FHIT: variants seen among roughly 807,000 people sequenced by gnomAD.
FHIT encodes fragile histidine triad diadenosine triphosphatase.
A neutral mutation model predicts 17.9 loss-of-function variants in FHIT; 19 were observed. That is an observed-to-expected ratio of 1.06 (90% confidence interval 0.74 to 1.56). The LOEUF (loss-of-function observed/expected upper bound fraction) is 1.56, where lower values mean the gene tolerates loss of function less well. FHIT is among the 40% of genes most tolerant of loss of function. The probability of loss-of-function intolerance (pLI) is 0.00; values close to 1 mark genes in which losing one functional copy is unlikely to be tolerated. For synonymous variants in FHIT, 81 were observed against 69.7 expected (o/e 1.16, Z -0.81); for missense variants, 248 against 189.2 (o/e 1.31, Z -1.82).
chr3:60,360,583 G>A (rs1699866501), intron 5 of FHIT, among the ~76,000 whole-genome samples: 1 of 152,120 alleles, frequency 6.6e-6, no homozygotes, highest in Non-Finnish European at 1.5e-5. Context: ...CCCACAAAAT[G>A]AGGGCAACAA....
intron 3 of FHIT, among the ~76,000 whole-genome samples, chr3:61,012,699 T>C (rs2031861803): frequency 6.6e-6 from 1 of 151,346 alleles, no homozygotes; most frequent in African/African-American, 2.4e-5. Context: ...TAATTGTTAA[T>C]ATATAAAAAA....
rs535872782 is a variant in FHIT, at chr3:59,783,651, G to A, written c.349-31330C>T. On this transcript the variant is annotated intron_variant, in intron 8 of 9. Coordinates refer to ENST00000492590, the MANE Select transcript of FHIT (RefSeq NM_002012.4). Reference sequence around the variant, plus strand: ...CAGATAATTCTTAGTTGAGAGAGGTGGTCCTGTGCATTGTAGGGTGTTTGG... The same window carrying A: ...CAGATAATTCTTAGTTGAGAGAGGTAGTCCTGTGCATTGTAGGGTGTTTGG... Among the ~76,000 whole-genome samples the A allele has an allele frequency of 3.3e-5, 5 of 152,220 alleles. No individual in the cohort carries two copies. In the East Asian group the frequency reaches 9.7e-4, roughly 29 times the overall value.
intron 5 of FHIT, among the ~76,000 whole-genome samples, chr3:60,234,384 C>T (rs938838866): frequency 2.0e-5 from 3 of 152,026 alleles, no homozygotes; most frequent in Non-Finnish European, 4.4e-5. Flanking sequence ...ATAATTAATA[C>T]CTGTGAGTTT....
rs542694754 is a variant in FHIT, at chr3:59,756,526, G to T, written c.349-4205C>A. The stretch of plus-strand genomic sequence containing the variant: ...ACTCAGTGACTTGTTTTAGGATAAG[G>T]ATGTCTCATACAGTATTGAGACGAC... On this transcript the variant is annotated intron_variant, in intron 8 of 9. Coordinates refer to ENST00000492590, the MANE Select transcript of FHIT (RefSeq NM_002012.4). Among the ~76,000 whole-genome samples, 11 of 152,224 alleles carry T rather than the reference G, an allele frequency of 7.2e-5. 1 individual carries two copies. The South Asian group carries it at 2.3e-3, about 32-fold the overall frequency.
At chr3:60,555,413 A>G (rs2036708794) in intron 4 of FHIT, among the ~76,000 whole-genome samples, 1 of 152,206 alleles carries the variant, frequency 6.6e-6, no homozygotes, top group African/African-American at 2.4e-5. Context: ...ACGAATTTAA[A>G]TGAATCAAGT....
chr3:60,848,399 C>T (rs993200269), intron 3 of FHIT, among the ~76,000 whole-genome samples: 1 of 152,082 alleles, frequency 6.6e-6, no homozygotes, highest in Non-Finnish European at 1.5e-5. Context: ...AGTCATGGCT[C>T]CAGGTCTCAG....
At chr3:60,984,803 TG>T (rs1710651690) in intron 3 of FHIT, among the ~76,000 whole-genome samples, 1 of 151,980 alleles carries the variant, frequency 6.6e-6, no homozygotes, top group Non-Finnish European at 1.5e-5. Flanking sequence ...TGTGTGTGTG[TG>T]TGTGTGTGTG....
intron 5 of FHIT, among the ~76,000 whole-genome samples, chr3:60,291,517 C>T (rs1233073309): frequency 6.6e-6 from 1 of 152,130 alleles, no homozygotes; most frequent in Non-Finnish European, 1.5e-5. Flanking sequence ...TAGCCCTTTT[C>T]TGTTAGCACA....
intron 3 of FHIT, among the ~76,000 whole-genome samples, chr3:61,035,279 T>G (rs765612484): frequency 1.3e-5 from 2 of 152,204 alleles, no homozygotes; most frequent in Non-Finnish European, 2.9e-5. Context: ...AATGGATTTT[T>G]TGTTATATGA....
intron 3 of FHIT, among the ~76,000 whole-genome samples, chr3:60,978,887 T>C (rs1167235023): frequency 6.6e-6 from 1 of 152,214 alleles, no homozygotes; most frequent in Non-Finnish European, 1.5e-5. Context: ...CAGCTATGGG[T>C]TGTGTAGAGT....
intron 8 of FHIT, among the ~76,000 whole-genome samples, chr3:59,762,618 G>A (rs1018103622): frequency 6.6e-6 from 1 of 152,154 alleles, no homozygotes; most frequent in Non-Finnish European, 1.5e-5. Flanking sequence ...TCCTGGGAAC[G>A]TTCTTTCAGT....
chr3:61,072,769 A>G (rs1351789311), intron 2 of FHIT, among the ~76,000 whole-genome samples: 1 of 152,172 alleles, frequency 6.6e-6, no homozygotes, highest in Non-Finnish European at 1.5e-5. Context: ...ACAAAAAGCA[A>G]AAGTGCCAAG....
chr3:61,049,254 TA>T (rs1371977339), intron 2 of FHIT, among the ~76,000 whole-genome samples: 2 of 151,354 alleles, frequency 1.3e-5, no homozygotes, highest in East Asian at 3.9e-4. Flanking sequence ...AAATAGAAGT[TA>T]TTAGGCATTC....
At chr3:61,032,108 G>C (rs909247869) in intron 3 of FHIT, among the ~76,000 whole-genome samples, 6 of 152,190 alleles carry the variant, frequency 3.9e-5, no homozygotes, top group African/African-American at 1.2e-4. Context: ...AACTGGAGCT[G>C]CTTTGATAGT....
intron 5 of FHIT, among the ~76,000 whole-genome samples, chr3:60,493,237 G>A (rs937968741): frequency 3.9e-5 from 6 of 152,140 alleles, no homozygotes; most frequent in Non-Finnish European, 7.4e-5. Flanking sequence ...TGCCTATGAC[G>A]TGAGTTTTAA....
At chr3:60,908,891 T>G (rs1706573531) in intron 3 of FHIT, among the ~76,000 whole-genome samples, 1 of 152,144 alleles carries the variant, frequency 6.6e-6, no homozygotes. Flanking sequence ...TTTGTGGAGC[T>G]TTGAGAGACA....
At chr3:60,640,475 G>C (rs1577014392) in intron 4 of FHIT, among the ~76,000 whole-genome samples, 1 of 152,174 alleles carries the variant, frequency 6.6e-6, no homozygotes, top group African/African-American at 2.4e-5. Flanking sequence ...ACTAGTGCTA[G>C]TGAGTGGTAT....
chr3:60,649,225 G>A lies in FHIT; in HGVS notation c.-17-112246C>T, dbSNP rs182261929. 3.6e-4 allele frequency among the ~76,000 whole-genome samples: 55 copies of A among 152,014 alleles called. 2 individuals are homozygous for A. In the East Asian group the frequency reaches 9.3e-3, roughly 26 times the overall value. On this transcript the variant is annotated intron_variant, in intron 4 of 9. Coordinates refer to ENST00000492590, the MANE Select transcript of FHIT (RefSeq NM_002012.4). Reference sequence around the variant, plus strand: ...ATTCTGGCTAACACGGTGAAACCCCGTCTCTACTAAAAATACAAAAAGAAA... The same window carrying A: ...ATTCTGGCTAACACGGTGAAACCCCATCTCTACTAAAAATACAAAAAGAAA...
intron 2 of FHIT, among the ~76,000 whole-genome samples, chr3:61,183,461 A>G (rs2038406639): frequency 6.6e-6 from 1 of 152,172 alleles, no homozygotes; most frequent in Admixed American, 6.5e-5. Context: ...CTTTTCAGAG[A>G]AATGACAGGT....
Sources: allele counts gnomAD v4.1 joint callset (sites outside exome capture counted in the v4.1 genomes callset), GRCh38; gene constraint gnomAD v4.1.1; transcripts MANE v1.5; gene names NCBI Gene and HGNC (gene_info 2026-07-23, HGNC 2026-07-21).